OR6C74: variants seen among roughly 807,000 people sequenced by gnomAD.
OR6C74 encodes the protein olfactory receptor family 6 subfamily C member 74.
For synonymous variants in OR6C74, 142 were observed against 134.2 expected, an observed-to-expected ratio of 1.06 and a Z score of -0.40; for missense variants, 361 against 362.9, an observed-to-expected ratio of 0.99 and a Z score of 0.04.
Position 55,248,438 on chromosome 12 carries a change from C to A in OR6C74, c.*212C>A. On this transcript the variant is annotated 3_prime_UTR_variant, in exon 2 of 2. Transcript: ENST00000343399. ...AGAAAAGATATTTCTTGGTTTTGGT[C>A]AAAATCATTTGCCTGTTATTTATTG... The A allele has an allele frequency of 2.2e-6, 1 of 458,070 alleles. No homozygotes were observed. Among genetic ancestry groups the A allele is most frequent in the Non-Finnish European group, 3.8e-6 (1 of 262,096 alleles). The allele number at this position is 458,070 out of a possible 1,614,324, so 28.4% of individuals were successfully genotyped here.
chr12:55,252,497 T>G lies in OR6C74; in HGVS notation c.*4271T>G, dbSNP rs1422722204. Among the ~76,000 whole-genome samples, 1 of 151,970 alleles carries G rather than the reference T, an allele frequency of 6.6e-6. No individual in the cohort carries two copies. The highest frequency in any genetic ancestry group is 1.5e-5 in the Non-Finnish European group (1 of 67,882). ...GTAATTTTCTAAAAGCACACAAATG[T>G]TTTAAAATATTAAAATGATTATGTT... On this transcript the variant is annotated 3_prime_UTR_variant, in exon 2 of 2. Coordinates refer to ENST00000343399, the MANE Select transcript of OR6C74 (RefSeq NM_001005490.2).
chr12:55,247,941 T>C lies in OR6C74; in HGVS notation c.654T>C (p.Asn218=), dbSNP rs1354091672. The change falls in exon 2 of 2, where the codon AAT becomes AAC. Residue 218 remains asparagine, a synonymous_variant. Transcript: ENST00000343399. ...TLVLVILSYT[N]IIRTILKIPS... The stretch of plus-strand genomic sequence containing the variant: ...TATTAGTGATTCTCTCCTACACAAA[T>C]ATTATCAGGACTATTCTGAAAATAC... 6.2e-6 allele frequency: 10 copies of C among 1,613,920 alleles called. No homozygotes were observed. The highest frequency in any genetic ancestry group is 8.5e-6 in the Non-Finnish European group (10 of 1,179,972).
rs748108823 is a variant in OR6C74 at position 55,248,009 on chromosome 12, C to T, written c.722C>T (p.Ser241Phe). 5 of 1,613,902 alleles carry T rather than the reference C, an allele frequency of 3.1e-6. No homozygotes were observed. In the East Asian group the frequency reaches 1.1e-4, roughly 36 times the overall value. ...AAAAAAGCATTTTCTACATGTTCTT[C>T]CCACATGGTGGTCGTGTCCATTTCT... ...QRKKAFSTCS[S>F]HMVVVSISYG... is the part of the protein sequence containing the mutation. Residue 241 changes from serine to phenylalanine, a missense_variant, in exon 2 of 2, where the codon TCC (serine) becomes TTC (phenylalanine). Ser to Phe is a radical substitution (Grantham distance 155). Coordinates refer to ENST00000343399, the MANE Select transcript of OR6C74 (RefSeq NM_001005490.2).
At position 55,249,072 on chromosome 12, in the gene OR6C74, A is replaced by C. The variant is rs376810527; in HGVS notation, c.*846A>C. Reference sequence around the variant, plus strand: ...ACATTTTTAGCAAAACGAAGTGAAAATCTCTCTCTGCTCTTAAGTCACTTA... The same window carrying C: ...ACATTTTTAGCAAAACGAAGTGAAACTCTCTCTCTGCTCTTAAGTCACTTA... On this transcript the variant is annotated 3_prime_UTR_variant, in exon 2 of 2. Coordinates refer to ENST00000343399, the MANE Select transcript of OR6C74 (RefSeq NM_001005490.2). 5.8e-4 allele frequency among the ~76,000 whole-genome samples: 88 copies of C among 152,274 alleles called. 4 individuals carry two copies. The South Asian group carries it at 0.015, about 27-fold the overall frequency.
rs1954284851 is a variant in OR6C74, at chr12:55,247,913, T to G, written c.626T>G (p.Leu209Arg). 6.2e-7 allele frequency: 1 copy of G among 1,613,886 alleles called. No homozygotes were observed. The highest frequency in any genetic ancestry group is 8.5e-7 in the Non-Finnish European group (1 of 1,179,936). Reference protein sequence around the residue: ...LSAILTLLVTLVLVILSYTNI... With the variant: ...LSAILTLLVTRVLVILSYTNI... ...GCCATTTTGACGCTCCTGGTTACAC[T>G]GGTATTAGTGATTCTCTCCTACACA... Residue 209 changes from leucine (L) to arginine (R), a missense_variant, in exon 2 of 2, where the codon CTG becomes CGG. Transcript: ENST00000343399.
At chr12:55,247,242 C>G (rs370819655) in intron 1 of OR6C74, 37 bp from the exon 2 acceptor site, 3 of 1,248,078 alleles carry the variant, frequency 2.4e-6, no homozygotes, top group Admixed American at 2.1e-5. Flanking sequence ...GACCTTTCCT[C>G]TTCTGTTCTA....
Position 55,247,671 on chromosome 12 carries a change from G to A in OR6C74, c.384G>A (p.Leu128=). The A allele has an allele frequency of 6.2e-7, 1 of 1,613,940 alleles. No homozygotes were observed. Among genetic ancestry groups the A allele is most frequent in the East Asian group, 2.2e-5 (1 of 44,854 alleles). The change falls in exon 2 of 2, where the codon CTG becomes CTA. Residue 128 remains leucine (L), a synonymous_variant. Transcript: ENST00000343399. ...GCTATGTGGCCATCTGCAAACCCCTGCATTACACCACCATCATGAGCAGCA... is the reference window on the plus strand; with the variant it reads ...GCTATGTGGCCATCTGCAAACCCCTACATTACACCACCATCATGAGCAGCA... ...YERYVAICKP[L]HYTTIMSSRV... is the part of the protein sequence containing the mutation.
rs1954346016 is a variant in OR6C74 at position 55,256,447 on chromosome 12, T to G, written c.*8221T>G. ...TGTAACCAGCTTTTGCTGCAACTGT[T>G]ACTGCTGATTAATAACTTGCTAATC... On this transcript the variant is annotated 3_prime_UTR_variant, in exon 2 of 2. Transcript: ENST00000343399. Among the ~76,000 whole-genome samples the G allele has an allele frequency of 6.6e-6, 1 of 152,154 alleles. No individual in the cohort carries two copies. Among genetic ancestry groups the G allele is most frequent in the South Asian group, 2.1e-4 (1 of 4,836 alleles).
rs1018760845 is a variant in OR6C74, at chr12:55,254,246, T to C, written c.*6020T>C. ...AAATACCCTTGTGAATATTTTAATA[T>C]CTTGCCAAAAGATTTTCCTCTGGGT... On this transcript the variant is annotated 3_prime_UTR_variant, in exon 2 of 2. Coordinates refer to ENST00000343399, the MANE Select transcript of OR6C74 (RefSeq NM_001005490.2). Among the ~76,000 whole-genome samples the C allele has an allele frequency of 6.6e-6, 1 of 152,088 alleles. No individual in the cohort carries two copies. The highest frequency in any genetic ancestry group is 2.4e-5 in the African/African-American group (1 of 41,432).
rs768436931 is a variant in OR6C74, at chr12:55,247,914, G to A, written c.627G>A (p.Leu209=). 4 of 1,613,622 alleles carry A rather than the reference G, an allele frequency of 2.5e-6. No homozygotes were observed. In the African/African-American group the frequency reaches 5.3e-5, roughly 22 times the overall value. ...LSAILTLLVT[L]VLVILSYTNI... ...CCATTTTGACGCTCCTGGTTACACTGGTATTAGTGATTCTCTCCTACACAA... is the reference window on the plus strand; with the variant it reads ...CCATTTTGACGCTCCTGGTTACACTAGTATTAGTGATTCTCTCCTACACAA... The change falls in exon 2 of 2, where the codon CTG becomes CTA. Residue 209 remains leucine (L), a synonymous_variant. Transcript: ENST00000343399.
At position 55,244,797 on chromosome 12, in the gene OR6C74, C is replaced by A. The variant is rs974985638; in HGVS notation, c.-30C>A. 1.9e-4 allele frequency among the ~76,000 whole-genome samples: 29 copies of A among 151,804 alleles called. No homozygotes were observed. Among genetic ancestry groups the A allele is most frequent in the Admixed American group, 5.2e-4 (8 of 15,250 alleles). ...CAGAGAACATCTTATTAATAAAAAT[C>A]ATGAGAAGAAATGAACCTAGGTAAG... On this transcript the variant is annotated 5_prime_UTR_variant, in exon 1 of 2. Transcript: ENST00000343399.
chr12:55,247,229 G>C, intron 1 of OR6C74, 50 bp from the exon 2 acceptor site: 1 of 1,083,788 alleles, frequency 9.2e-7, no homozygotes, highest in Non-Finnish European at 1.3e-6. Flanking sequence ...GGTATCTCAT[G>C]CAGACCTTTC....
At position 55,249,696 on chromosome 12, in the gene OR6C74, ATATC is replaced by A. The variant is rs1181703654; in HGVS notation, c.*1473_*1476del. Among the ~76,000 whole-genome samples, 1 of 152,154 alleles carries A rather than the reference ATATC, an allele frequency of 6.6e-6. No homozygotes were observed. Among genetic ancestry groups the A allele is most frequent in the Non-Finnish European group, 1.5e-5 (1 of 68,016 alleles). Reference sequence around the variant, plus strand: ...CATTTTATTTGAAAATAGAAAATAAATATCTAGGGAGTATTCTTTAACTTTCACT... The same window carrying A: ...CATTTTATTTGAAAATAGAAAATAAATAGGGAGTATTCTTTAACTTTCACT... On this transcript the variant is annotated 3_prime_UTR_variant, in exon 2 of 2. Coordinates refer to ENST00000343399, the MANE Select transcript of OR6C74 (RefSeq NM_001005490.2).
rs528064751 is a variant in OR6C74 at position 55,256,529 on chromosome 12, C to T, written c.*8303C>T. ...AAGGCTCTGTTAGAAATTACTGATG[C>T]ACACACTATATTGTAAACTCTTATC... On this transcript the variant is annotated 3_prime_UTR_variant, in exon 2 of 2. Coordinates refer to ENST00000343399, the MANE Select transcript of OR6C74 (RefSeq NM_001005490.2). 6.6e-6 allele frequency among the ~76,000 whole-genome samples: 1 copy of T among 152,190 alleles called. No homozygotes were observed. Among genetic ancestry groups the T allele is most frequent in the Non-Finnish European group, 1.5e-5 (1 of 67,976 alleles).
Position 55,247,431 on chromosome 12 carries a change from A to G in OR6C74, c.144A>G (p.Leu48=), listed in dbSNP as rs1222870014. Residue 48 remains leucine (L), a synonymous_variant, in exon 2 of 2, where the codon CTA becomes CTG. Coordinates refer to ENST00000343399, the MANE Select transcript of OR6C74 (RefSeq NM_001005490.2). ...ATCTAACCATCATCACTCTCACCCT[A>G]CTGGATTTGCATCTCAAGACACCCA... ...TGNLTIITLT[L]LDLHLKTPMY... The G allele has an allele frequency of 9.3e-6, 15 of 1,613,546 alleles. No homozygotes were observed. The highest frequency in any genetic ancestry group is 1.3e-5 in the Non-Finnish European group (15 of 1,179,696).
intron 1 of OR6C74, among the ~76,000 whole-genome samples, 93 bp downstream of exon 1, chr12:55,244,910 G>A (rs1565646652): frequency 6.6e-6 from 1 of 151,842 alleles, no homozygotes; most frequent in Non-Finnish European, 1.5e-5. Context: ...ATGGACAAAA[G>A]CAACATAAAA....
Position 55,247,817 on chromosome 12 carries a change from G to A in OR6C74, c.530G>A (p.Cys177Tyr). 6.2e-7 allele frequency: 1 copy of A among 1,613,942 alleles called. No individual in the cohort carries two copies. Among genetic ancestry groups the A allele is most frequent in the Non-Finnish European group, 8.5e-7 (1 of 1,180,004 alleles). ...CAANTVDHFF[C>Y]DVSPILQLSC... is the part of the protein sequence containing the mutation. ...GCCAACACTGTAGATCATTTCTTCT[G>A]TGATGTTTCTCCTATACTGCAGCTC... The change falls in exon 2 of 2, where the codon TGT becomes TAT. Residue 177 changes from cysteine to tyrosine, a missense_variant. By Grantham distance (194) the Cys-to-Tyr change is radical (BLOSUM62 -2). Transcript: ENST00000343399.
chr12:55,256,186 A>G lies in OR6C74; in HGVS notation c.*7960A>G, dbSNP rs1315693570. On this transcript the variant is annotated 3_prime_UTR_variant, in exon 2 of 2. Coordinates refer to ENST00000343399, the MANE Select transcript of OR6C74 (RefSeq NM_001005490.2). ...GTCAGGGAGGTTTCACATCACCAAG[A>G]TTCCTGTCCCAGAAAAGCAGATGTT... Among the ~76,000 whole-genome samples, 1 of 152,048 alleles carries G rather than the reference A, an allele frequency of 6.6e-6. No homozygotes were observed. The highest frequency in any genetic ancestry group is 2.1e-4 in the South Asian group (1 of 4,832).
Position 55,255,806 on chromosome 12 carries a change from G to A in OR6C74, c.*7580G>A, listed in dbSNP as rs1441309657. 6.6e-6 allele frequency among the ~76,000 whole-genome samples: 1 copy of A among 152,110 alleles called. No homozygotes were observed. The highest frequency in any genetic ancestry group is 2.4e-5 in the African/African-American group (1 of 41,424). ...CAATGAAACTAGGCAGACTTAAAAG[G>A]CTATAAATTATTTAATTTCATTTAT... On this transcript the variant is annotated 3_prime_UTR_variant, in exon 2 of 2. Transcript: ENST00000343399.
Sources: allele counts gnomAD v4.1 joint callset (sites outside exome capture counted in the v4.1 genomes callset), GRCh38; gene constraint gnomAD v4.1.1; transcripts MANE v1.5; gene names NCBI Gene and HGNC (gene_info 2026-07-23, HGNC 2026-07-21).